Variants in TAB1 observed in about 807,000 individuals in gnomAD.
The protein encoded by TAB1 is TGF-beta-activated kinase 1 and MAP3K7-binding protein 1.
A neutral mutation model predicts 54.5 loss-of-function variants in TAB1; 30 were observed. That is an observed-to-expected ratio of 0.55 (90% CI 0.41 to 0.75). The LOEUF is 0.75. Ranked by LOEUF, TAB1 falls within the 30% of genes least tolerant of loss-of-function variation. The pLI, the probability that TAB1 is intolerant of heterozygous loss-of-function variation, is 0.00. For missense variants in TAB1, 609 were observed against 683.2 expected (o/e 0.89, Z 1.21); for synonymous variants, 289 against 286.9 (o/e 1.01, Z -0.07).
chr22:39,417,974 C>G (rs1006713757), intron 5 of TAB1, 125 bp downstream of exon 5: 2 of 1,263,180 alleles, frequency 1.6e-6, no homozygotes, highest in South Asian at 3.3e-5. Flanking sequence ...CTCCTGAGAC[C>G]GTTGGGTATG....
chr22:39,417,655 G>A, intron 4 of TAB1, 56 bp from the exon 5 acceptor site: 1 of 1,512,600 alleles, frequency 6.6e-7, no homozygotes. Flanking sequence ...AGTGGAGAGG[G>A]CTAGGAAGAT....
At position 39,410,603 on chromosome 22, in the gene TAB1, ACTGT is replaced by A. The variant is rs1360575947; in HGVS notation, c.34-4400_34-4397del. On this transcript the variant is annotated intron_variant, in intron 1 of 10. Transcript: ENST00000216160. ...ATTTCCATTAGTAGGGTTTGGTTAT[ACTGT>A]CTATTTTCAAAGGCTATTAGAAGGC... Among the ~76,000 whole-genome samples the A allele has an allele frequency of 2.7e-5, 4 of 150,074 alleles. No homozygotes were observed. The Admixed American group carries it at 2.7e-4, about 10-fold the overall frequency.
At chr22:39,414,898 G>T in intron 1 of TAB1, 108 bp from the exon 2 acceptor site, 1 of 1,295,746 alleles carries the variant, frequency 7.7e-7, no homozygotes, top group Non-Finnish European at 1.1e-6. Flanking sequence ...GGAACCCTCT[G>T]TGTAGGGCTG....
downstream of TAB1, chr22:39,431,886 C>T (rs1461793975): frequency 8.1e-6 from 8 of 985,164 alleles, no homozygotes; most frequent in African/African-American, 1.0e-4. Flanking sequence ...ATATTAATAG[C>T]GCTGTTGCTC....
downstream of TAB1, chr22:39,432,956 T>C: frequency 2.0e-6 from 2 of 985,410 alleles, no homozygotes; most frequent in Non-Finnish European, 2.4e-6. Flanking sequence ...GGAAAGTGAA[T>C]GGCACAGCGA....
intron 1 of TAB1, among the ~76,000 whole-genome samples, chr22:39,408,955 G>A (rs1442056525): frequency 3.9e-5 from 6 of 152,218 alleles, no homozygotes; most frequent in African/African-American, 1.2e-4. Context: ...GATACTGGCA[G>A]AGGAGGTAAC....
chr22:39,434,203 G>A (rs1927699262), downstream of TAB1, among the ~76,000 whole-genome samples: 1 of 152,246 alleles, frequency 6.6e-6, no homozygotes, highest in Admixed American at 6.5e-5. Flanking sequence ...CCCTACTGAT[G>A]GGGAGACAGG....
At chr22:39,400,140 C>G (rs946607384) in intron 1 of TAB1, among the ~76,000 whole-genome samples, 1 of 152,078 alleles carries the variant, frequency 6.6e-6, no homozygotes, top group Non-Finnish European at 1.5e-5. Context: ...ATCCGAGTCT[C>G]GAGCCCACTG....
chr22:39,423,702 T>C (rs1034558017), intron 8 of TAB1, among the ~76,000 whole-genome samples: 10 of 152,224 alleles, frequency 6.6e-5, no homozygotes, highest in African/African-American at 2.4e-4. Flanking sequence ...TTTTTTGTTA[T>C]AGGGATGAAT....
Position 39,430,428 on chromosome 22 carries a change from G to A in TAB1, c.*206G>A. 2.1e-6 allele frequency: 3 copies of A among 1,428,734 alleles called. No individual in the cohort carries two copies. Among genetic ancestry groups the A allele is most frequent in the Non-Finnish European group, 2.7e-6 (3 of 1,092,654 alleles). The allele number at this position is 1,428,734 out of a possible 1,614,324, so 88.5% of individuals were successfully genotyped here. A position where few individuals can be genotyped will look rare whatever the true frequency, so the allele number is the denominator to read the frequency against. On this transcript the variant is annotated 3_prime_UTR_variant, in exon 11 of 11. Transcript: ENST00000216160. ...ATACCTTGTCACCACCCGGGAAGCT[G>A]AAGGCCACTTCCTCCCAGATGGCCT...
intron 1 of TAB1, among the ~76,000 whole-genome samples, chr22:39,407,075 A>C (rs1327779937): frequency 6.6e-6 from 1 of 152,248 alleles, no homozygotes; most frequent in African/African-American, 2.4e-5. Context: ...GGATGAATGC[A>C]TTAAGATGTA....
intron 10 of TAB1, among the ~76,000 whole-genome samples, chr22:39,428,650 AGCCGCAGACCT>A (rs1433870085): frequency 6.6e-6 from 1 of 152,184 alleles, no homozygotes; most frequent in Non-Finnish European, 1.5e-5. Context: ...GGCCCCCTCC[AGCCGCAGACCT>A]GCCTGACAGG....
intron 1 of TAB1, among the ~76,000 whole-genome samples, chr22:39,413,813 C>G (rs999915075): frequency 4.6e-5 from 7 of 152,168 alleles, no homozygotes; most frequent in African/African-American, 1.7e-4. Flanking sequence ...TCTGGGAGTG[C>G]CGTTGTGAAC....
chr22:39,422,000 C>T (rs368251890), intron 8 of TAB1, 29 bp downstream of exon 8: 109 of 1,499,888 alleles, frequency 7.3e-5, no homozygotes, highest in South Asian at 4.5e-4. Context: ...CGCCCATGGC[C>T]GGAGAGCGTG....
intron 1 of TAB1, among the ~76,000 whole-genome samples, chr22:39,409,340 A>G (rs1464252914): frequency 6.6e-6 from 1 of 152,218 alleles, no homozygotes; most frequent in African/African-American, 2.4e-5. Context: ...TGGAAATGAA[A>G]ATATACTAAG....
Position 39,415,362 on chromosome 22 carries a change from G to T in TAB1, c.171-138G>T. On this transcript the variant is annotated intron_variant, in intron 2 of 10. Transcript: ENST00000216160. The surrounding 1 kb of genome is among the most constrained non-coding windows in gnomAD (Gnocchi z 4.9). Reference sequence around the variant, plus strand: ...ATGTCATAGCCAGAGTGAAATGATGGCTAAAGCAGGGGGACCCAGGAGGGC... The same window carrying T: ...ATGTCATAGCCAGAGTGAAATGATGTCTAAAGCAGGGGGACCCAGGAGGGC... 8.6e-7 allele frequency: 1 copy of T among 1,156,296 alleles called. No individual in the cohort carries two copies. The highest frequency in any genetic ancestry group is 1.2e-6 in the Non-Finnish European group (1 of 816,624). 71.6% of individuals were successfully genotyped at this position (1,156,296 alleles called of 1,614,324 possible). A position where few individuals can be genotyped will look rare whatever the true frequency, so the allele number is the denominator to read the frequency against.
At chr22:39,425,669 C>T (rs1927294657) in intron 8 of TAB1, among the ~76,000 whole-genome samples, 1 of 151,616 alleles carries the variant, frequency 6.6e-6, no homozygotes, top group Non-Finnish European at 1.5e-5. Context: ...GCCTCAGCCT[C>T]CCGAGTAGCT....
At chr22:39,429,458 G>A (rs950136600) in intron 10 of TAB1, 29 of 702,640 alleles carry the variant, frequency 4.1e-5, no homozygotes, top group African/African-American at 7.8e-5. Flanking sequence ...GCTATTAGAC[G>A]CTTGAACTGA....
At chr22:39,428,588 GT>G (rs1193134814) in intron 10 of TAB1, among the ~76,000 whole-genome samples, 1 of 152,134 alleles carries the variant, frequency 6.6e-6, no homozygotes, top group Non-Finnish European at 1.5e-5. Flanking sequence ...GAGTTCTCTG[GT>G]TTTGGGGCAG....
Sources: allele counts gnomAD v4.1 joint callset (sites outside exome capture counted in the v4.1 genomes callset), GRCh38; gene constraint gnomAD v4.1.1; non-coding constraint Gnocchi (gnomAD v3.1); transcripts MANE v1.5; gene names NCBI Gene and HGNC (gene_info 2026-07-23, HGNC 2026-07-21).